Variants in ARHGEF10 observed in about 807,000 individuals in gnomAD.
ARHGEF10 encodes the protein Rho guanine nucleotide exchange factor (GEF) 10.
In ARHGEF10, 140 loss-of-function variants were observed where a neutral mutation model predicts 147.4. The ratio of observed to expected loss-of-function variants is 0.95; its 90% CI spans 0.83 to 1.09. The LOEUF (loss-of-function observed/expected upper bound fraction) is 1.09, where lower values mean the gene tolerates loss of function less well. Among genes scored for constraint, ARHGEF10 ranks in the 50% least tolerant of loss-of-function variants. The pLI is 0.00. For missense variants in ARHGEF10, 2,222 were observed against 1,752.7 expected (o/e 1.27, Z -4.78); for synonymous variants, 902 against 695.8 (o/e 1.30, Z -4.67).
chr8:1,953,847 C>G (rs1017023209), intron 28 of ARHGEF10, among the ~76,000 whole-genome samples: 1 of 152,164 alleles, frequency 6.6e-6, no homozygotes. Flanking sequence ...GGGGGAAATA[C>G]TAACAGAGAA....
chr8:1,889,430 G>A (rs1477712451), intron 11 of ARHGEF10, among the ~76,000 whole-genome samples: 7 of 57,648 alleles, frequency 1.2e-4, no homozygotes, highest in African/African-American at 3.8e-4. Flanking sequence ...TGGGGTGAGG[G>A]GTCTGTGAGG....
intron 1 of ARHGEF10, among the ~76,000 whole-genome samples, chr8:1,842,945 G>T (rs1282400233): frequency 1.3e-5 from 2 of 152,196 alleles, no homozygotes; most frequent in African/African-American, 4.8e-5. Context: ...AAGGAGTGGA[G>T]AGGGCCGTCA....
chr8:1,833,777 G>C (rs960327583), intron 1 of ARHGEF10, among the ~76,000 whole-genome samples: 10 of 152,216 alleles, frequency 6.6e-5, no homozygotes, highest in Admixed American at 2.0e-4. Flanking sequence ...TCTTTAGGAA[G>C]CCCTCCTGGC....
chr8:1,878,829 C>T (rs537835849), intron 8 of ARHGEF10, among the ~76,000 whole-genome samples: 2 of 152,184 alleles, frequency 1.3e-5, no homozygotes, highest in African/African-American at 4.8e-5. Context: ...CCCTGCTGGG[C>T]GAAGGAGCTG....
Position 1,894,377 on chromosome 8 carries a change from GCT to G in ARHGEF10, c.1261-14_1261-13del, listed in dbSNP as rs766797203. The G allele has an allele frequency of 6.2e-7, 1 of 1,613,912 alleles. No homozygotes were observed. Among genetic ancestry groups the G allele is most frequent in the East Asian group, 2.2e-5 (1 of 44,872 alleles). On this transcript the variant is annotated splice_polypyrimidine_tract_variant and intron_variant, in intron 12 of 28. Coordinates refer to ENST00000349830, the MANE Select transcript of ARHGEF10 (RefSeq NM_014629.4). ...AAAAAGAAAAGTCTGAACTGTCTTT[GCT>G]CATTTTGTCTTAGCAATATGAGAAG... is the stretch of plus-strand genomic sequence containing the variant.
At chr8:1,907,270 C>A (rs1030249260) in intron 17 of ARHGEF10, among the ~76,000 whole-genome samples, 8 of 152,162 alleles carry the variant, frequency 5.3e-5, no homozygotes, top group East Asian at 3.9e-4. Context: ...GTCCCAGAAC[C>A]CCCCTCTCCA....
intron 4 of ARHGEF10, 27 bp downstream of exon 4, chr8:1,860,211 C>T (rs781746444): frequency 1.1e-5 from 18 of 1,605,710 alleles, no homozygotes; most frequent in African/African-American, 1.3e-5. Flanking sequence ...CTCCACGCCC[C>T]CGAAGTGGCC....
intron 2 of ARHGEF10, among the ~76,000 whole-genome samples, chr8:1,851,325 A>G (rs1400811903): frequency 2.7e-5 from 4 of 149,620 alleles, no homozygotes; most frequent in Non-Finnish European, 5.9e-5. Context: ...CAGCACCAGG[A>G]GCGAGGCCTC....
intron 1 of ARHGEF10, among the ~76,000 whole-genome samples, chr8:1,829,173 G>C (rs1802943450): frequency 6.6e-6 from 1 of 152,072 alleles, no homozygotes; most frequent in South Asian, 2.1e-4. Flanking sequence ...CGTCCCGACA[G>C]GATACCTGCG....
intron 15 of ARHGEF10, among the ~76,000 whole-genome samples, chr8:1,899,580 C>T (rs1810294009): frequency 6.6e-6 from 1 of 152,188 alleles, no homozygotes; most frequent in African/African-American, 2.4e-5. Context: ...AGGATACATA[C>T]TAAAATATCG....
At chr8:1,874,911 A>AAG (rs1563213033) in intron 7 of ARHGEF10, among the ~76,000 whole-genome samples, 1 of 19,126 alleles carries the variant, frequency 5.2e-5, no homozygotes, top group Non-Finnish European at 1.4e-4. Flanking sequence ...TGTAGGGGGT[A>AAG]CAGGTTCTAA....
intron 1 of ARHGEF10, among the ~76,000 whole-genome samples, chr8:1,832,131 G>A (rs60618547): frequency 0.44 from 67,318 of 152,034 alleles, 15,216 homozygotes; most frequent in Middle Eastern, 0.56. Flanking sequence ...CCGCTCTGCT[G>A]GTGCCTGTCG....
chr8:1,916,817 G>A (rs1001796879), intron 18 of ARHGEF10, among the ~76,000 whole-genome samples: 10 of 152,128 alleles, frequency 6.6e-5, no homozygotes, highest in African/African-American at 1.4e-4. Flanking sequence ...ACACTAAAAC[G>A]TTTAAAGACA....
In ARHGEF10 at chr8:1,889,210, C is replaced by T. The variant is rs1302855652; in HGVS notation, c.1182+3503C>T. Among the ~76,000 whole-genome samples the T allele has an allele frequency of 7.5e-5, 3 of 40,192 alleles. 1 individual carries two copies. Among genetic ancestry groups the T allele is most frequent in the Non-Finnish European group, 1.2e-4 (3 of 25,656 alleles). 26.4% of individuals were successfully genotyped at this position (40,192 alleles called of 152,430 possible). A position where few individuals can be genotyped will look rare whatever the true frequency, so the allele number is the denominator to read the frequency against. On this transcript the variant is annotated intron_variant, in intron 11 of 28. Coordinates refer to ENST00000349830, the MANE Select transcript of ARHGEF10 (RefSeq NM_014629.4). ...GCGTGGGGTGAGGTTTATTAGGAGA[C>T]ACTGAATGGGGTGAGGGTTGTGAGG... is the stretch of plus-strand genomic sequence containing the variant.
intron 2 of ARHGEF10, among the ~76,000 whole-genome samples, chr8:1,853,034 A>C (rs2129063433): frequency 6.6e-6 from 1 of 152,256 alleles, no homozygotes; most frequent in East Asian, 1.9e-4. Context: ...AATGGTCCCC[A>C]GGTTAGATTT....
chr8:1,861,335 C>T (rs1806113298), intron 4 of ARHGEF10, among the ~76,000 whole-genome samples: 1 of 152,256 alleles, frequency 6.6e-6, no homozygotes, highest in Non-Finnish European at 1.5e-5. Flanking sequence ...TCGACTGCAG[C>T]CCAAGGGCTG....
chr8:1,920,286 TAATA>T (rs532022004), intron 18 of ARHGEF10, among the ~76,000 whole-genome samples: 2 of 152,248 alleles, frequency 1.3e-5, no homozygotes, highest in Non-Finnish European at 2.9e-5. Flanking sequence ...GTCAACTAAT[TAATA>T]AAGTTAACAT....
intron 1 of ARHGEF10, among the ~76,000 whole-genome samples, chr8:1,826,579 C>G (rs757193507): frequency 1.3e-5 from 2 of 152,078 alleles, no homozygotes; most frequent in Non-Finnish European, 2.9e-5. Context: ...TGCTCACTTA[C>G]GAAGTTGCTA....
chr8:1,880,831 A>C (rs941829238), intron 9 of ARHGEF10, among the ~76,000 whole-genome samples: 1 of 152,154 alleles, frequency 6.6e-6, no homozygotes, highest in African/African-American at 2.4e-5. Flanking sequence ...AATGGCACTC[A>C]CTGGAAAGGG....
Sources: gnomAD v4.1 joint callset for allele counts (sites outside exome capture counted in the v4.1 genomes callset) on GRCh38, gnomAD v4.1.1 for gene constraint, MANE v1.5 for transcripts, NCBI Gene and HGNC (gene_info 2026-07-23, HGNC 2026-07-21) for gene names.